Variants in VLDLR observed in about 807,000 individuals in gnomAD.
VLDLR encodes the protein very low-density lipoprotein receptor.
A neutral mutation model predicts 112.7 loss-of-function variants in VLDLR; 81 were observed. That is an observed-to-expected ratio of 0.72 (90% CI 0.60 to 0.86). The LOEUF is 0.86. VLDLR is among the 40% of genes least tolerant of loss of function. VLDLR has a pLI of 0.00. For synonymous variants in VLDLR, 436 were observed against 384.8 expected, an observed-to-expected ratio of 1.13 and a Z score of -1.56; for missense variants, 1,237 against 1,099.4, an observed-to-expected ratio of 1.13 and a Z score of -1.77.
rs73640152 is a variant in VLDLR at position 2,643,148 on chromosome 9, C to T, written c.449-12C>T. 1.1e-3 allele frequency: 1,809 copies of T among 1,607,748 alleles called. 17 individuals carry two copies. The African/African-American group carries it at 0.02, about 18-fold the overall frequency. ...TGATGCATTTTCAGTGGGGCATCCTCTCTCTTAATAGGCAATATAACATGT... is the reference window on the plus strand; with the variant it reads ...TGATGCATTTTCAGTGGGGCATCCTTTCTCTTAATAGGCAATATAACATGT... On this transcript the variant is annotated splice_polypyrimidine_tract_variant and intron_variant, in intron 4 of 18. Coordinates refer to ENST00000382100, the MANE Select transcript of VLDLR (RefSeq NM_003383.5).
At chr9:2,623,628 C>T (rs1010895853) in intron 1 of VLDLR, among the ~76,000 whole-genome samples, 26 of 152,216 alleles carry the variant, frequency 1.7e-4, no homozygotes, top group Non-Finnish European at 3.1e-4. Flanking sequence ...CTGGCCTTTC[C>T]GCCCTCTGCG....
intron 5 of VLDLR, 39 bp downstream of exon 5, chr9:2,643,570 C>A (rs995160118): frequency 1.4e-5 from 23 of 1,614,040 alleles, no homozygotes; most frequent in Non-Finnish European, 1.9e-5. Context: ...AGTTCTCTTC[C>A]CTGTATCAAC....
rs1586661892 is a variant in VLDLR, at chr9:2,652,930, T to C, written c.2567T>C (p.Val856Ala). ...GACATTGGTAGACACAGTGCTTCTG[T>C]TGGACACACGTACCCAGCAGTAAGT... ...SIDIGRHSAS[V>A]GHTYPAISVV... The change falls in exon 18 of 19, where the codon GTT becomes GCT. Residue 856 changes from valine (V) to alanine (A), a missense_variant. Coordinates refer to ENST00000382100, the MANE Select transcript of VLDLR (RefSeq NM_003383.5). The C allele has an allele frequency of 4.3e-6, 7 of 1,614,092 alleles. No homozygotes were observed. Among genetic ancestry groups the C allele is most frequent in the South Asian group, 1.1e-5 (1 of 91,088 alleles).
chr9:2,646,675 A>T, intron 11 of VLDLR, 123 bp downstream of exon 11: 1 of 1,011,870 alleles, frequency 9.9e-7, no homozygotes. Context: ...AAGAATTAGA[A>T]TTCTAATTTA....
rs1409962520 is a variant in VLDLR at position 2,657,724 on chromosome 9, G to A, written c.*3856G>A. The A allele has an allele frequency of 6.6e-6, 1 of 152,184 alleles. No individual in the cohort carries two copies. The highest frequency in any genetic ancestry group is 1.5e-5 in the Non-Finnish European group (1 of 68,044). 9.4% of individuals were successfully genotyped at this position (152,184 alleles called of 1,614,324 possible). On this transcript the variant is annotated 3_prime_UTR_variant, in exon 19 of 19. Transcript: ENST00000382100. The stretch of plus-strand genomic sequence containing the variant: ...CACTTAGCCCTGGTTGAGGTGCATT[G>A]TCTGCTGTCGTCTGTTAAGCATCTA...
intron 1 of VLDLR, among the ~76,000 whole-genome samples, chr9:2,634,596 A>G (rs1817517549): frequency 1.3e-5 from 2 of 152,232 alleles, no homozygotes; most frequent in Non-Finnish European, 2.9e-5. Flanking sequence ...CATTGTGTGA[A>G]TTAAATATCC....
In VLDLR at chr9:2,622,286, GC is replaced by G. The variant is rs1265935463; in HGVS notation, c.82+19del. On this transcript the variant is annotated intron_variant, in intron 1 of 18. Coordinates refer to ENST00000382100, the MANE Select transcript of VLDLR (RefSeq NM_003383.5). The stretch of plus-strand genomic sequence containing the variant: ...CACCGGAACCGGTGAGTGAGGACGC[GC>G]CCCTCCGCCGGCGGGCGGGACCCAG... 1 of 1,462,000 alleles carries G rather than the reference GC, an allele frequency of 6.8e-7. No individual in the cohort carries two copies. Among genetic ancestry groups the G allele is most frequent in the Non-Finnish European group, 9.0e-7 (1 of 1,111,278 alleles). The allele number at this position is 1,462,000 out of a possible 1,614,324, so 90.6% of individuals were successfully genotyped here.
chr9:2,643,333 A>G lies in VLDLR; in HGVS notation c.622A>G (p.Ile208Val). The G allele has an allele frequency of 6.2e-7, 1 of 1,614,108 alleles. No homozygotes were observed. Among genetic ancestry groups the G allele is most frequent in the Non-Finnish European group, 8.5e-7 (1 of 1,180,028 alleles). Reference protein sequence around the residue: ...FQCSTSSCIPISWVCDDDADC... With the variant: ...FQCSTSSCIPVSWVCDDDADC... The stretch of plus-strand genomic sequence containing the variant: ...GTGCAGCACCTCCTCCTGCATCCCC[A>G]TCAGCTGGGTATGCGACGATGATGC... The change falls in exon 5 of 19, where the codon ATC (isoleucine) becomes GTC (valine). Residue 208 changes from isoleucine (I) to valine (V), a missense_variant. Ile to Val is a conservative substitution (Grantham distance 29). Transcript: ENST00000382100.
chr9:2,631,946 G>C (rs1013071505), intron 1 of VLDLR, among the ~76,000 whole-genome samples: 34 of 152,080 alleles, frequency 2.2e-4, no homozygotes, highest in African/African-American at 8.2e-4. Context: ...GAGAAGCAAG[G>C]CTCCCAGGAA....
intron 1 of VLDLR, among the ~76,000 whole-genome samples, chr9:2,625,123 T>G (rs1479125483): frequency 6.6e-6 from 1 of 152,224 alleles, no homozygotes; most frequent in Non-Finnish European, 1.5e-5. Context: ...CTGATCCAAG[T>G]GTCTCTACCT....
chr9:2,628,227 G>T (rs1817182388), intron 1 of VLDLR, among the ~76,000 whole-genome samples: 1 of 152,212 alleles, frequency 6.6e-6, no homozygotes, highest in Non-Finnish European at 1.5e-5. Flanking sequence ...CTCCTTGGGT[G>T]ATGGCTCTGT....
rs1479478230 is a variant in VLDLR, at chr9:2,635,568, C to A, written c.198C>A (p.Asn66Lys). 1.2e-6 allele frequency: 2 copies of A among 1,614,024 alleles called. No homozygotes were observed. The highest frequency in any genetic ancestry group is 2.7e-5 in the African/African-American group (2 of 75,044). ...EDCVDGSDEKNCVKKTCAESD... is the reference protein window; with the variant it reads ...EDCVDGSDEKKCVKKTCAESD... The stretch of plus-strand genomic sequence containing the variant: ...GTGTTGACGGCAGTGATGAAAAGAA[C>A]TGTGGTAAGTAAAGAGTTTGATGAC... Residue 66 changes from asparagine to lysine, a missense_variant, in exon 2 of 19, where the codon AAC becomes AAA. Transcript: ENST00000382100.
At chr9:2,632,950 C>T (rs570572714) in intron 1 of VLDLR, among the ~76,000 whole-genome samples, 2 of 152,176 alleles carry the variant, frequency 1.3e-5, no homozygotes. Flanking sequence ...TTCCCACCCC[C>T]ACCCCAATGT....
At chr9:2,645,878 C>A in intron 10 of VLDLR, 133 bp downstream of exon 10, 1 of 963,542 alleles carries the variant, frequency 1.0e-6, no homozygotes, top group Non-Finnish European at 1.6e-6. Flanking sequence ...GACATTAAAT[C>A]TAATGCTAAT....
chr9:2,647,466 T>G lies in VLDLR; in HGVS notation c.1704-8T>G. Reference sequence around the variant, plus strand: ...ACTGAGGCTTATTTCTCATTTAATTTTTCACAGCTTTGTTTACTGGTCAGA... The same window carrying G: ...ACTGAGGCTTATTTCTCATTTAATTGTTCACAGCTTTGTTTACTGGTCAGA... On this transcript the variant is annotated splice_region_variant and splice_polypyrimidine_tract_variant and intron_variant, in intron 11 of 18. Coordinates refer to ENST00000382100, the MANE Select transcript of VLDLR (RefSeq NM_003383.5). 1 of 1,612,088 alleles carries G rather than the reference T, an allele frequency of 6.2e-7. No individual in the cohort carries two copies. The highest frequency in any genetic ancestry group is 8.5e-7 in the Non-Finnish European group (1 of 1,178,144).
In VLDLR at chr9:2,657,544, G is replaced by A. The variant is rs947821724; in HGVS notation, c.*3676G>A. The A allele has an allele frequency of 4.6e-5, 7 of 151,448 alleles. No homozygotes were observed. Among genetic ancestry groups the A allele is most frequent in the African/African-American group, 9.6e-5 (4 of 41,524 alleles). 9.4% of individuals were successfully genotyped at this position (151,448 alleles called of 1,614,324 possible). A position where few individuals can be genotyped will look rare whatever the true frequency, so the allele number is the denominator to read the frequency against. ...CTTCCCTTATTGTGGGTGATGAGGC[G>A]GTGCCTAAAAACCACATATATATAA... On this transcript the variant is annotated 3_prime_UTR_variant, in exon 19 of 19. Transcript: ENST00000382100.
At position 2,646,484 on chromosome 9, in the gene VLDLR, C is replaced by A. The variant is rs1000549825; in HGVS notation, c.1635C>A (p.Thr545=). 4.3e-6 allele frequency: 7 copies of A among 1,614,108 alleles called. No individual in the cohort carries two copies. The highest frequency in any genetic ancestry group is 5.9e-6 in the Non-Finnish European group (7 of 1,180,016). The stretch of plus-strand genomic sequence containing the variant: ...TTTCAGTAGCTACCCTAGATGGAAC[C>A]AAGAGGAAGTTCCTGTTTAACTCTG... ...KTISVATLDG[T]KRKFLFNSDL... The change falls in exon 11 of 19, where the codon ACC becomes ACA. Residue 545 remains threonine (T), a synonymous_variant. Transcript: ENST00000382100.
Position 2,621,892 on chromosome 9 carries a change from C to T in VLDLR, c.-298C>T, listed in dbSNP as rs1473210794. 2 of 613,336 alleles carry T rather than the reference C, an allele frequency of 3.3e-6. No individual in the cohort carries two copies. The highest frequency in any genetic ancestry group is 2.1e-5 in the Admixed American group (1 of 46,742). 38.0% of individuals were successfully genotyped at this position (613,336 alleles called of 1,614,324 possible). A position where few individuals can be genotyped will look rare whatever the true frequency, so the allele number is the denominator to read the frequency against. ...CCCCACCCCCTCTCCCTTCCCTCCT[C>T]TCCCCTTGCCTCCCCTCCTCTGCAG... is the stretch of plus-strand genomic sequence containing the variant. On this transcript the variant is annotated 5_prime_UTR_variant, in exon 1 of 19. Transcript: ENST00000382100.
rs894885535 is a variant in VLDLR at position 2,646,280 on chromosome 9, C to T, written c.1485-54C>T. 2.0e-5 allele frequency: 32 copies of T among 1,584,984 alleles called. No individual in the cohort carries two copies. In the African/African-American group the frequency reaches 3.2e-4, roughly 16 times the overall value. ...ATTTTGTAAGCAAAAAGTCCATTCTCCAAGCTCTAATTGTGTCAAACTCTT... is the reference window on the plus strand; with the variant it reads ...ATTTTGTAAGCAAAAAGTCCATTCTTCAAGCTCTAATTGTGTCAAACTCTT... On this transcript the variant is annotated intron_variant, in intron 10 of 18. Transcript: ENST00000382100.
Sources: gnomAD v4.1 joint callset for allele counts (sites outside exome capture counted in the v4.1 genomes callset) on GRCh38, gnomAD v4.1.1 for gene constraint, MANE v1.5 for transcripts, NCBI Gene and HGNC (gene_info 2026-07-23, HGNC 2026-07-21) for gene names.